The following DNAJC1 variants were observed in gnomAD, a reference collection of about 807,000 sequenced individuals.
DNAJC1 encodes the protein dnaJ homolog subfamily C member 1.
DNAJC1 carries 58 observed loss-of-function variants against 76.6 expected under a neutral mutation model. The ratio of observed to expected loss-of-function variants is 0.76; its 90% CI spans 0.61 to 0.94. DNAJC1 has a LOEUF of 0.94. Among genes scored for constraint, DNAJC1 ranks in the 40% least tolerant of loss-of-function variants. The pLI, the probability that DNAJC1 is intolerant of heterozygous loss-of-function variation, is 0.00. For synonymous variants in DNAJC1, 258 were observed against 267.9 expected, an observed-to-expected ratio of 0.96 and a Z score of 0.36; for missense variants, 689 against 677.3, an observed-to-expected ratio of 1.02 and a Z score of -0.19.
intron 7 of DNAJC1, among the ~76,000 whole-genome samples, chr10:21,893,161 T>G (rs2131733241): frequency 6.6e-6 from 1 of 152,056 alleles, no homozygotes; most frequent in South Asian, 2.1e-4. Flanking sequence ...GGAATTTAAC[T>G]CATACAGAGT....
At chr10:21,835,694 G>T (rs530357167) in intron 8 of DNAJC1, among the ~76,000 whole-genome samples, 1 of 152,338 alleles carries the variant, frequency 6.6e-6, no homozygotes, top group Non-Finnish European at 1.5e-5. Context: ...AGCCTCAGTA[G>T]CCGATGCGAT....
chr10:21,855,678 A>G (rs1367028664), intron 8 of DNAJC1, among the ~76,000 whole-genome samples: 1 of 152,224 alleles, frequency 6.6e-6, no homozygotes, highest in Non-Finnish European at 1.5e-5. Context: ...AGCTTAAAAA[A>G]GAAAACTCTG....
intron 3 of DNAJC1, among the ~76,000 whole-genome samples, chr10:21,924,388 T>C (rs967468146): frequency 3.9e-5 from 6 of 152,150 alleles, no homozygotes; most frequent in African/African-American, 1.4e-4. Context: ...TTTATAAATA[T>C]AGTAACATGA....
rs529134045 is a variant in DNAJC1, at chr10:21,955,708, T to C, written c.223-26567A>G. On this transcript the variant is annotated intron_variant, in intron 1 of 11. Transcript: ENST00000376980. ...ATTAAAATTTTATCAAACAATATTT[T>C]GTTTTTTACTAAGTTTTTTAAAAAC... 7.9e-5 allele frequency among the ~76,000 whole-genome samples: 12 copies of C among 152,302 alleles called. No individual in the cohort carries two copies. The East Asian group carries it at 2.1e-3, about 27-fold the overall frequency.
intron 1 of DNAJC1, among the ~76,000 whole-genome samples, chr10:22,000,109 G>A (rs182273866): frequency 3.9e-5 from 6 of 152,208 alleles, no homozygotes; most frequent in Admixed American, 3.9e-4. Context: ...AAAATCTTTA[G>A]AATTATCTTC....
chr10:21,810,693 T>C (rs1027237049), intron 8 of DNAJC1, among the ~76,000 whole-genome samples: 11 of 152,154 alleles, frequency 7.2e-5, no homozygotes, highest in African/African-American at 2.7e-4. Context: ...ATACAAGACC[T>C]ATTTAGAAAA....
At chr10:21,844,657 C>T (rs1835625809) in intron 8 of DNAJC1, among the ~76,000 whole-genome samples, 1 of 152,072 alleles carries the variant, frequency 6.6e-6, no homozygotes, top group Non-Finnish European at 1.5e-5. Context: ...AATACATCCA[C>T]AATAGTCTAC....
rs1454887275 is a variant in DNAJC1 at position 21,918,802 on chromosome 10, TTAGTG to T, written c.701_705del (p.Thr234LysfsTer16). On this transcript the variant is annotated frameshift_variant, in exon 6 of 12. Coordinates refer to ENST00000376980, the MANE Select transcript of DNAJC1 (RefSeq NM_022365.4). LOFTEE classifies it high-confidence loss of function. Reference sequence around the variant, plus strand: ...ACCTGGATGAGGTGAGGTAATGCTTTTAGTGTAAGGCAAAACCAAATCCCCAGTTT... The same window carrying T: ...ACCTGGATGAGGTGAGGTAATGCTTTTAAGGCAAAACCAAATCCCCAGTTT... 1 of 1,613,176 alleles carries T rather than the reference TTAGTG, an allele frequency of 6.2e-7. No homozygotes were observed. The highest frequency in any genetic ancestry group is 8.5e-7 in the Non-Finnish European group (1 of 1,179,288).
chr10:21,984,642 T>C (rs1312201841), intron 1 of DNAJC1, among the ~76,000 whole-genome samples: 1 of 152,226 alleles, frequency 6.6e-6, no homozygotes, highest in East Asian at 1.9e-4. Flanking sequence ...AGGTGATTAG[T>C]CTGCCATATA....
At chr10:21,978,144 T>C (rs1446421089) in intron 1 of DNAJC1, among the ~76,000 whole-genome samples, 1 of 152,212 alleles carries the variant, frequency 6.6e-6, no homozygotes, top group Admixed American at 6.5e-5. Flanking sequence ...CAAATATATA[T>C]AGATTTTTCT....
chr10:21,827,828 A>G (rs1835287213), intron 8 of DNAJC1, among the ~76,000 whole-genome samples: 1 of 152,148 alleles, frequency 6.6e-6, no homozygotes, highest in Non-Finnish European at 1.5e-5. Context: ...ACTACATATA[A>G]TTTATTCATC....
intron 8 of DNAJC1, among the ~76,000 whole-genome samples, chr10:21,875,404 C>T (rs369544969): frequency 2.0e-4 from 30 of 152,330 alleles, no homozygotes; most frequent in South Asian, 1.9e-3. Context: ...AATCCTCCCA[C>T]CTCAGCCTCC....
intron 8 of DNAJC1, among the ~76,000 whole-genome samples, chr10:21,843,159 G>T (rs979682625): frequency 6.6e-6 from 1 of 152,006 alleles, no homozygotes; most frequent in East Asian, 1.9e-4. Context: ...ATTTAAGTTG[G>T]AATTAGAGGA....
chr10:21,972,157 T>C (rs1837990241), intron 1 of DNAJC1, among the ~76,000 whole-genome samples: 1 of 152,074 alleles, frequency 6.6e-6, no homozygotes, highest in Non-Finnish European at 1.5e-5. Flanking sequence ...ATATAAAATA[T>C]AACTCCAAAT....
intron 1 of DNAJC1, among the ~76,000 whole-genome samples, chr10:21,944,328 A>G (rs1217868244): frequency 6.6e-6 from 1 of 152,202 alleles, no homozygotes; most frequent in Non-Finnish European, 1.5e-5. Context: ...TCACCTTTTA[A>G]GGATGTATCC....
intron 6 of DNAJC1, among the ~76,000 whole-genome samples, chr10:21,917,626 A>T (rs1373470218): frequency 1.3e-5 from 2 of 152,052 alleles, no homozygotes; most frequent in African/African-American, 4.8e-5. Context: ...TACAGACAGC[A>T]TACAAACATT....
intron 7 of DNAJC1, among the ~76,000 whole-genome samples, chr10:21,895,072 T>C (rs1279189641): frequency 6.6e-6 from 1 of 152,220 alleles, no homozygotes; most frequent in African/African-American, 2.4e-5. Context: ...TAGAAAGTAG[T>C]AGTGAGAACC....
At chr10:21,839,291 A>G (rs1835529417) in intron 8 of DNAJC1, among the ~76,000 whole-genome samples, 1 of 152,222 alleles carries the variant, frequency 6.6e-6, no homozygotes, top group African/African-American at 2.4e-5. Flanking sequence ...AAAATCCTTT[A>G]AAAAATTAAT....
At chr10:21,966,367 C>G (rs548541731) in intron 1 of DNAJC1, among the ~76,000 whole-genome samples, 46 of 151,822 alleles carry the variant, frequency 3.0e-4, no homozygotes, top group Admixed American at 2.0e-3. Flanking sequence ...CTTTTACCAA[C>G]TAATTTGAGC....
Sources: allele counts gnomAD v4.1 joint callset (sites outside exome capture counted in the v4.1 genomes callset), GRCh38; gene constraint gnomAD v4.1.1; transcripts MANE v1.5; gene names NCBI Gene and HGNC (gene_info 2026-07-23, HGNC 2026-07-21).